Variants in PSMF1 observed in about 807,000 individuals in gnomAD.
PSMF1 encodes the protein proteasome inhibitor PI31 subunit.
Under a neutral mutation model 29.3 loss-of-function variants are expected in PSMF1, and 30 were observed. The ratio of observed to expected loss-of-function variants is 1.02; its 90% CI spans 0.77 to 1.39. The LOEUF is 1.39. Ranked by LOEUF, PSMF1 falls within the 40% of genes most tolerant of loss-of-function variation. The pLI, the probability that PSMF1 is intolerant of heterozygous loss-of-function variation, is 0.00. For synonymous variants in PSMF1, 134 were observed against 139.7 expected (o/e 0.96, Z 0.29); for missense variants, 344 against 357.5 (o/e 0.96, Z 0.31).
intron 3 of PSMF1, among the ~76,000 whole-genome samples, chr20:1,131,739 T>C (rs2086232021): frequency 1.3e-5 from 2 of 152,250 alleles, no homozygotes; most frequent in Non-Finnish European, 2.9e-5. Flanking sequence ...TCCATTCTGC[T>C]GTACCCTTTC....
chr20:1,160,693 G>A, intron 4 of PSMF1: 1 of 492,982 alleles, frequency 2.0e-6, no homozygotes, highest in Non-Finnish European at 4.1e-6. Flanking sequence ...ACTGTCAGGT[G>A]CCCCCAACAC....
Position 1,125,633 on chromosome 20 carries a change from A to G in PSMF1, c.265A>G (p.Met89Val), listed in dbSNP as rs1331719552. The change falls in exon 2 of 7, where the codon ATG becomes GTG. Residue 89 changes from methionine to valine, a missense_variant. Transcript: ENST00000335877. The stretch of plus-strand genomic sequence containing the variant: ...GAAAGCCATCACCGTGGAGAGCAGC[A>G]TGATCCTCAATGTGCTGGTGAGTCT... ...LVKAITVESSMILNVLEYGSQ... is the reference protein window; with the variant it reads ...LVKAITVESSVILNVLEYGSQ... The G allele has an allele frequency of 1.9e-6, 3 of 1,612,636 alleles. No individual in the cohort carries two copies. Among genetic ancestry groups the G allele is most frequent in the Non-Finnish European group, 2.5e-6 (3 of 1,179,318 alleles).
In PSMF1 at chr20:1,118,872, C is replaced by T. The variant is rs1045693280; in HGVS notation, c.99C>T (p.His33=). 3.1e-6 allele frequency: 5 copies of T among 1,614,124 alleles called. No homozygotes were observed. In the Admixed American group the frequency reaches 5.0e-5, roughly 16 times the overall value. Residue 33 remains histidine, a synonymous_variant, in exon 1 of 7, where the codon CAC becomes CAT. Coordinates refer to ENST00000335877, the MANE Select transcript of PSMF1 (RefSeq NM_006814.5). The part of the protein sequence containing the change: ...VCFLHWEVVT[H]GYFGLGVGDQ... ...TCTTGCATTGGGAAGTGGTGACACA[C>T]GGTTACTTCGGCTTGGGTGTCGGTG...
upstream of PSMF1, among the ~76,000 whole-genome samples, chr20:1,116,656 T>C (rs533043981): frequency 6.6e-6 from 1 of 152,182 alleles, no homozygotes; most frequent in Non-Finnish European, 1.5e-5. Flanking sequence ...CTCAGGTACA[T>C]ATGTGCACAA....
Position 1,118,919 on chromosome 20 carries a change from G to A in PSMF1, c.129+17G>A. The stretch of plus-strand genomic sequence containing the variant: ...GGTGACCAGGTACGCCACGGAGCCG[G>A]CCAGGGTGGAGGAGGGAACTGTCTT... On this transcript the variant is annotated intron_variant, in intron 1 of 6. Transcript: ENST00000335877. 1 of 1,613,300 alleles carries A rather than the reference G, an allele frequency of 6.2e-7. No individual in the cohort carries two copies. Among genetic ancestry groups the A allele is most frequent in the Non-Finnish European group, 8.5e-7 (1 of 1,179,598 alleles).
At chr20:1,154,514 A>G (rs1246838982) in intron 4 of PSMF1, among the ~76,000 whole-genome samples, 2 of 152,184 alleles carry the variant, frequency 1.3e-5, no homozygotes, top group African/African-American at 2.4e-5. Flanking sequence ...TCATTTCCCC[A>G]ATTCTAAGTT....
At chr20:1,133,569 A>ATATATATATATTTTTTTTTTT in intron 3 of PSMF1, among the ~76,000 whole-genome samples, 14 of 53,290 alleles carry the variant, frequency 2.6e-4, no homozygotes, top group Admixed American at 3.9e-4. Flanking sequence ...ATATATATAT[A>ATATATATATATTTTTTTTTTT]TTTTTTTTTT....
intron 4 of PSMF1, among the ~76,000 whole-genome samples, chr20:1,149,091 C>T (rs1342518975): frequency 1.3e-5 from 2 of 152,190 alleles, no homozygotes; most frequent in East Asian, 3.8e-4. Flanking sequence ...TGGAAGACAA[C>T]TAGATTCTCA....
intron 4 of PSMF1, among the ~76,000 whole-genome samples, chr20:1,147,434 C>T (rs1158694417): frequency 6.6e-6 from 1 of 152,188 alleles, no homozygotes; most frequent in Non-Finnish European, 1.5e-5. Context: ...ATGCTTTTCC[C>T]ACTGCACCTG....
intron 4 of PSMF1, among the ~76,000 whole-genome samples, chr20:1,143,022 G>A (rs2086403732): frequency 6.6e-6 from 1 of 152,136 alleles, no homozygotes; most frequent in Non-Finnish European, 1.5e-5. Context: ...TAAATGGAGA[G>A]ACATAACATA....
Position 1,146,578 on chromosome 20 carries a change from T to C in PSMF1, c.551+11272T>C, listed in dbSNP as rs141297353. 5.3e-3 allele frequency among the ~76,000 whole-genome samples: 802 copies of C among 152,250 alleles called. 5 individuals are homozygous for C. The highest frequency in any genetic ancestry group is 0.018 in the African/African-American group (762 of 41,544). ...GGGTTGGAGAGGATCAGGCAGAAGA[T>C]TGAGCTTGTCCCTCCTCCATATCGC... is the stretch of plus-strand genomic sequence containing the variant. On this transcript the variant is annotated intron_variant, in intron 4 of 6. Coordinates refer to ENST00000335877, the MANE Select transcript of PSMF1 (RefSeq NM_006814.5).
At chr20:1,133,888 G>A (rs2086268817) in intron 3 of PSMF1, among the ~76,000 whole-genome samples, 1 of 151,922 alleles carries the variant, frequency 6.6e-6, no homozygotes, top group African/African-American at 2.4e-5. Flanking sequence ...TCTATTCTGA[G>A]TTGTTGGATT....
Position 1,163,276 on chromosome 20 carries a change from C to A in PSMF1, c.605+93C>A. The A allele has an allele frequency of 1.4e-6, 2 of 1,426,808 alleles. No homozygotes were observed. Among genetic ancestry groups the A allele is most frequent in the East Asian group, 2.4e-5 (1 of 42,140 alleles). The allele number at this position is 1,426,808 out of a possible 1,614,324, so 88.4% of individuals were successfully genotyped here. On this transcript the variant is annotated intron_variant, in intron 5 of 6. Coordinates refer to ENST00000335877, the MANE Select transcript of PSMF1 (RefSeq NM_006814.5). This position sits in a 1 kb window ranked among gnomAD's most constrained non-coding sequence, Gnocchi z 6.1. ...TCTAATTTTAGAGTTTTCGGTCAGTCTCTTCCTTTGGGGTGGAGGAGGCAG... is the reference window on the plus strand; with the variant it reads ...TCTAATTTTAGAGTTTTCGGTCAGTATCTTCCTTTGGGGTGGAGGAGGCAG...
At chr20:1,148,277 G>A (rs943227284) in intron 4 of PSMF1, among the ~76,000 whole-genome samples, 1 of 152,148 alleles carries the variant, frequency 6.6e-6, no homozygotes, top group African/African-American at 2.4e-5. Flanking sequence ...CTCCTGAGAA[G>A]TCTAGGAAAG....
At chr20:1,150,386 A>G (rs6040154) in intron 4 of PSMF1, among the ~76,000 whole-genome samples, 4,816 of 152,144 alleles carry the variant, frequency 0.032, 255 homozygotes, top group African/African-American at 0.11. Context: ...GAGTCATACT[A>G]TGGCATCAGC....
chr20:1,134,715 G>A (rs2086279292), intron 3 of PSMF1: 2 of 294,642 alleles, frequency 6.8e-6, no homozygotes, highest in Non-Finnish European at 1.3e-5. Context: ...GCCTGGAACA[G>A]GAACCTGGTT....
intron 4 of PSMF1, among the ~76,000 whole-genome samples, chr20:1,153,974 C>G (rs140173782): frequency 6.6e-6 from 1 of 152,164 alleles, no homozygotes; most frequent in African/African-American, 2.4e-5. Context: ...TTTGTAGTTA[C>G]GCATGCATAC....
intron 4 of PSMF1, among the ~76,000 whole-genome samples, chr20:1,142,669 A>G (rs1434653208): frequency 6.6e-6 from 1 of 152,160 alleles, no homozygotes; most frequent in African/African-American, 2.4e-5. Flanking sequence ...CCAGTCTATC[A>G]TTGTTGGACA....
At chr20:1,114,034 G>T (rs776474217), upstream of PSMF1, among the ~76,000 whole-genome samples, 1 of 152,192 alleles carries the variant, frequency 6.6e-6, no homozygotes, top group African/African-American at 2.4e-5. Flanking sequence ...CCGGTCAGGG[G>T]TGTGGGAGGA....
Sources: allele counts gnomAD v4.1 joint callset (sites outside exome capture counted in the v4.1 genomes callset), GRCh38; gene constraint gnomAD v4.1.1; non-coding constraint Gnocchi (gnomAD v3.1); transcripts MANE v1.5; gene names NCBI Gene and HGNC (gene_info 2026-07-23, HGNC 2026-07-21).